The following DNAAF1 variants were observed in gnomAD, a reference collection of about 807,000 sequenced individuals.
The protein encoded by DNAAF1 is dynein axonemal assembly factor 1.
Under a neutral mutation model 71.1 loss-of-function variants are expected in DNAAF1, and 65 were observed. That is an observed-to-expected ratio of 0.91 (90% confidence interval 0.75 to 1.12). DNAAF1 has a LOEUF of 1.12. Ranked by LOEUF, DNAAF1 falls within the 50% of genes most tolerant of loss-of-function variation. The pLI is 0.00. For synonymous variants in DNAAF1, 414 were observed against 354.6 expected, an observed-to-expected ratio of 1.17 and a Z score of -1.88; for missense variants, 1,178 against 899.8, an observed-to-expected ratio of 1.31 and a Z score of -3.96.
In DNAAF1 at chr16:84,170,344, G is replaced by A; in HGVS notation, c.1516G>A (p.Ala506Thr). 1 of 1,613,844 alleles carries A rather than the reference G, an allele frequency of 6.2e-7. No individual in the cohort carries two copies. The highest frequency in any genetic ancestry group is 8.5e-7 in the Non-Finnish European group (1 of 1,180,018). ...AEAPPPPPLGAAREEPTPQAV... is the reference protein window; with the variant it reads ...AEAPPPPPLGTAREEPTPQAV... ...GGCCCCACCACCACCGCCCCTGGGA[G>A]CTGCCAGGGAAGGTAATGTGAGCGG... Residue 506 changes from alanine (A) to threonine (T), a missense_variant, in exon 8 of 12, where the codon GCT (alanine) becomes ACT (threonine). Coordinates refer to ENST00000378553, the MANE Select transcript of DNAAF1 (RefSeq NM_178452.6).
intron 9 of DNAAF1, chr16:84,174,362 T>C: frequency 2.3e-6 from 3 of 1,286,696 alleles, no homozygotes; most frequent in East Asian, 3.7e-5. Flanking sequence ...GGTCCCATTA[T>C]TTCCCCCAAG....
rs753194279 is a variant in DNAAF1 at position 84,165,897 on chromosome 16, G to C, written c.978G>C (p.Met326Ile). ...KITDSIEALA[M>I]IKQRAEERKR... ...CAGACAGCATTGAAGCCTTGGCCAT[G>C]ATCAAGCAGCGGGCAGAGGAGAGGA... Residue 326 changes from methionine (M) to isoleucine (I), a missense_variant, in exon 7 of 12, where the codon ATG becomes ATC. Transcript: ENST00000378553. The C allele has an allele frequency of 1.2e-6, 2 of 1,613,548 alleles. No homozygotes were observed. Among genetic ancestry groups the C allele is most frequent in the Non-Finnish European group, 1.7e-6 (2 of 1,179,970 alleles).
In DNAAF1 at chr16:84,145,549, G is replaced by C; in HGVS notation, c.109G>C (p.Gly37Arg). 2.6e-6 allele frequency: 4 copies of C among 1,549,244 alleles called. No individual in the cohort carries two copies. The highest frequency in any genetic ancestry group is 3.5e-6 in the Non-Finnish European group (4 of 1,147,164). The change falls in exon 1 of 12, where the codon GGG becomes CGG. Residue 37 changes from glycine (G) to arginine (R), a missense_variant. By Grantham distance (125) the Gly-to-Arg change is moderately radical (BLOSUM62 -2). Coordinates refer to ENST00000378553, the MANE Select transcript of DNAAF1 (RefSeq NM_178452.6). ...GGGTGACCACGGGAGCGCAGGCCGA[G>C]GGGGCTGCAAGGAAGGTGCCGACTG... Reference protein sequence around the residue: ...SAGDHGSAGRGGCKEEINDPK... With the variant: ...SAGDHGSAGRRGCKEEINDPK...
chr16:84,157,881 C>G (rs1027613204), intron 5 of DNAAF1, among the ~76,000 whole-genome samples: 3 of 152,074 alleles, frequency 2.0e-5, no homozygotes, highest in African/African-American at 7.2e-5. Context: ...GCTGGGGTTG[C>G]CATAAGTACC....
At chr16:84,174,187 T>A in intron 9 of DNAAF1, 10 of 1,008,682 alleles carry the variant, frequency 9.9e-6, no homozygotes, top group Non-Finnish European at 1.1e-5. Flanking sequence ...CCACACACTA[T>A]GCTGCCTCCC....
chr16:84,176,175 C>A lies in DNAAF1; in HGVS notation c.1941C>A (p.Ile647=), dbSNP rs766932664. 6.2e-7 allele frequency: 1 copy of A among 1,613,964 alleles called. No homozygotes were observed. Among genetic ancestry groups the A allele is most frequent in the African/African-American group, 1.3e-5 (1 of 74,946 alleles). ...KQDTKSPRPL[I]QELSDEDPSG... is the part of the protein sequence containing the mutation. ...ACACCAAGTCCCCAAGACCCCTGAT[C>A]CAGGAGCTCAGCGACGAGGACCCCT... The change falls in exon 11 of 12, where the codon ATC becomes ATA. Residue 647 remains isoleucine (I), a synonymous_variant. Coordinates refer to ENST00000378553, the MANE Select transcript of DNAAF1 (RefSeq NM_178452.6).
intron 6 of DNAAF1, chr16:84,162,318 T>A (rs1214630957): frequency 6.6e-6 from 1 of 152,128 alleles, no homozygotes; most frequent in Non-Finnish European, 1.5e-5. Context: ...AAGTGTACAA[T>A]GTGGCTGGAT....
chr16:84,162,705 G>C (rs367690646), intron 6 of DNAAF1, among the ~76,000 whole-genome samples: 130 of 152,236 alleles, frequency 8.5e-4, no homozygotes, highest in African/African-American at 3.0e-3. Context: ...TGTAGTCCCA[G>C]CTACTTGGGA....
intron 5 of DNAAF1, among the ~76,000 whole-genome samples, chr16:84,157,554 A>G (rs1051748026): frequency 6.6e-6 from 1 of 151,628 alleles, no homozygotes; most frequent in Non-Finnish European, 1.5e-5. Context: ...GGGCTTGAGA[A>G]CCCGTCAGGT....
Position 84,154,574 on chromosome 16 carries a change from T to G in DNAAF1, c.353-3T>G, listed in dbSNP as rs148444655. On this transcript the variant is annotated splice_region_variant and splice_polypyrimidine_tract_variant and intron_variant, in intron 3 of 11. Transcript: ENST00000378553. ...TAATTCCCACGTGCTTCCTTTTTGTTAGGTTTTGATCGCATTGAGAACCTG... is the reference window on the plus strand; with the variant it reads ...TAATTCCCACGTGCTTCCTTTTTGTGAGGTTTTGATCGCATTGAGAACCTG... The G allele has an allele frequency of 6.2e-7, 1 of 1,613,954 alleles. No individual in the cohort carries two copies. Among genetic ancestry groups the G allele is most frequent in the East Asian group, 2.2e-5 (1 of 44,878 alleles).
At chr16:84,170,756 C>T (rs1411942861) in intron 8 of DNAAF1, among the ~76,000 whole-genome samples, 1 of 152,030 alleles carries the variant, frequency 6.6e-6, no homozygotes, top group Non-Finnish European at 1.5e-5. Context: ...TGCTTGAGCC[C>T]CAGAGGTTGA....
At position 84,166,926 on chromosome 16, in the gene DNAAF1, G is replaced by T. The variant is rs184648147; in HGVS notation, c.1030+977G>T. Reference sequence around the variant, plus strand: ...CACTTGTGGTCACGCAATGTGCAGGGTGTCCCCACACCCACCAATTCTCTG... The same window carrying T: ...CACTTGTGGTCACGCAATGTGCAGGTTGTCCCCACACCCACCAATTCTCTG... On this transcript the variant is annotated intron_variant, in intron 7 of 11. Transcript: ENST00000378553. Among the ~76,000 whole-genome samples the T allele has an allele frequency of 9.2e-5, 14 of 152,308 alleles. No homozygotes were observed. In the East Asian group the frequency reaches 1.9e-3, roughly 21 times the overall value.
intron 1 of DNAAF1, among the ~76,000 whole-genome samples, chr16:84,146,691 G>C (rs1054824778): frequency 2.0e-5 from 3 of 151,702 alleles, no homozygotes; most frequent in Non-Finnish European, 2.9e-5. Flanking sequence ...GCTGCAGTGA[G>C]CCAAGATCAC....
At chr16:84,163,582 T>C (rs1389862533) in intron 6 of DNAAF1, among the ~76,000 whole-genome samples, 1 of 152,006 alleles carries the variant, frequency 6.6e-6, no homozygotes, top group Non-Finnish European at 1.5e-5. Context: ...GGTTTCACCA[T>C]GTTGGCCAGG....
chr16:84,171,253 TAGTG>T, intron 8 of DNAAF1, among the ~76,000 whole-genome samples: 1 of 151,878 alleles, frequency 6.6e-6, no homozygotes, highest in South Asian at 2.1e-4. Context: ...CTGGCCAACA[TAGTG>T]AGAAGCCCCC....
At chr16:84,158,477 A>G (rs1046588327) in intron 5 of DNAAF1, among the ~76,000 whole-genome samples, 1 of 152,196 alleles carries the variant, frequency 6.6e-6, no homozygotes, top group African/African-American at 2.4e-5. Context: ...TAAAAGTCTT[A>G]TCTCCAAATA....
chr16:84,161,625 C>T (rs977831646), intron 6 of DNAAF1, among the ~76,000 whole-genome samples: 1 of 151,946 alleles, frequency 6.6e-6, no homozygotes, highest in African/African-American at 2.4e-5. Flanking sequence ...GTTGGCCTCC[C>T]AAAGCTCTGA....
At chr16:84,172,564 C>T in intron 9 of DNAAF1, 189 bp downstream of exon 9, 1 of 1,427,158 alleles carries the variant, frequency 7.0e-7, no homozygotes, top group Non-Finnish European at 9.2e-7. Flanking sequence ...GATTAGAATC[C>T]AACTTTCATG....
chr16:84,147,107 G>A (rs2086952089), intron 1 of DNAAF1, among the ~76,000 whole-genome samples: 1 of 152,150 alleles, frequency 6.6e-6, no homozygotes, highest in African/African-American at 2.4e-5. Flanking sequence ...TCTGTAAGCT[G>A]GAATAATTAT....
Sources: gnomAD v4.1 joint callset for allele counts (sites outside exome capture counted in the v4.1 genomes callset) on GRCh38, gnomAD v4.1.1 for gene constraint, MANE v1.5 for transcripts, NCBI Gene and HGNC (gene_info 2026-07-23, HGNC 2026-07-21) for gene names.